Variants in RHPN2 observed in about 807,000 individuals in gnomAD.
The protein encoded by RHPN2 is rhophilin Rho GTPase binding protein 2.
RHPN2 carries 40 observed loss-of-function variants against 79.0 expected under a neutral mutation model. The observed-to-expected ratio is 0.51, with a 90% CI of 0.39 to 0.66. The LOEUF is 0.66. RHPN2 is among the 30% of genes least tolerant of loss of function. RHPN2 has a pLI of 0.00. For missense variants in RHPN2, 686 were observed against 883.5 expected (o/e 0.78, Z 2.83); for synonymous variants, 285 against 363.5 (o/e 0.78, Z 2.46).
At chr19:33,027,630 C>A (rs534611217) in intron 2 of RHPN2, among the ~76,000 whole-genome samples, 1 of 152,094 alleles carries the variant, frequency 6.6e-6, no homozygotes, top group Non-Finnish European at 1.5e-5. Flanking sequence ...TATTAGCAAT[C>A]CAAGCCTAGC....
chr19:33,019,864 C>CCTATAACCA (rs1971909198), intron 4 of RHPN2, among the ~76,000 whole-genome samples: 1 of 152,160 alleles, frequency 6.6e-6, no homozygotes, highest in Non-Finnish European at 1.5e-5. Context: ...GCCTGGGCTG[C>CCTATAACCA]ATGGCGCAAA....
chr19:33,063,512 C>G lies in RHPN2; in HGVS notation c.69+1272G>C, dbSNP rs537011993. On this transcript the variant is annotated intron_variant, in intron 1 of 14. Coordinates refer to ENST00000254260, the MANE Select transcript of RHPN2 (RefSeq NM_033103.5). Reference sequence around the variant, plus strand: ...TATTTATAATTATGCACTGTCGTATCTATTATAAAAACGAAAATCAACAAC... The same window carrying G: ...TATTTATAATTATGCACTGTCGTATGTATTATAAAAACGAAAATCAACAAC... 5.9e-5 allele frequency among the ~76,000 whole-genome samples: 9 copies of G among 152,310 alleles called. No individual in the cohort carries two copies. In the East Asian group the frequency reaches 9.7e-4, roughly 16 times the overall value.
chr19:33,025,981 G>GTTT (rs71340523), intron 3 of RHPN2, among the ~76,000 whole-genome samples: 3,747 of 129,022 alleles, frequency 0.029, 99 homozygotes, highest in South Asian at 0.035. Flanking sequence ...GTGTTCATTT[G>GTTT]TTTTTTTTTT....
At chr19:32,995,810 G>C (rs1286529220) in intron 11 of RHPN2, among the ~76,000 whole-genome samples, 2 of 152,182 alleles carry the variant, frequency 1.3e-5, no homozygotes, top group African/African-American at 4.8e-5. Flanking sequence ...AGTGAGCCGA[G>C]ATCACGCCAC....
At chr19:32,984,575 C>T (rs1971600731) in intron 14 of RHPN2, among the ~76,000 whole-genome samples, 2 of 152,044 alleles carry the variant, frequency 1.3e-5, no homozygotes, top group Admixed American at 1.3e-4. Context: ...AGGAGAATCG[C>T]TTGAACCCGG....
intron 2 of RHPN2, among the ~76,000 whole-genome samples, chr19:33,033,179 T>C (rs893819577): frequency 6.6e-6 from 1 of 152,112 alleles, no homozygotes; most frequent in Non-Finnish European, 1.5e-5. Flanking sequence ...CAAATTTTAG[T>C]TCATGGAAGA....
intron 1 of RHPN2, among the ~76,000 whole-genome samples, chr19:33,060,556 A>G (rs1044691356): frequency 6.6e-6 from 1 of 151,862 alleles, no homozygotes; most frequent in Non-Finnish European, 1.5e-5. Context: ...TTTGTGAGAC[A>G]AGGTCTCACT....
At chr19:33,005,641 G>C (rs1178083711) in intron 7 of RHPN2, among the ~76,000 whole-genome samples, 3 of 149,706 alleles carry the variant, frequency 2.0e-5, no homozygotes, top group African/African-American at 7.4e-5. Context: ...GCCCTGCGGA[G>C]GGATGGCACC....
At chr19:33,021,164 A>G (rs541852722) in intron 4 of RHPN2, among the ~76,000 whole-genome samples, 44 of 152,276 alleles carry the variant, frequency 2.9e-4, no homozygotes, top group African/African-American at 1.0e-3. Context: ...TGGGTTTCCA[A>G]CCTGCCTTGT....
intron 7 of RHPN2, among the ~76,000 whole-genome samples, chr19:33,005,151 T>C (rs1971779792): frequency 6.6e-6 from 1 of 151,616 alleles, no homozygotes; most frequent in East Asian, 2.0e-4. Context: ...TGGTGGCTCA[T>C]GCCTCTAATC....
At chr19:33,025,397 G>A (rs1228481038) in intron 3 of RHPN2, among the ~76,000 whole-genome samples, 1 of 151,320 alleles carries the variant, frequency 6.6e-6, no homozygotes, top group Non-Finnish European at 1.5e-5. Flanking sequence ...CACAAGAATC[G>A]CTTGAACCCA....
intron 14 of RHPN2, among the ~76,000 whole-genome samples, chr19:32,985,506 C>G (rs7259685): frequency 0.79 from 120,485 of 152,176 alleles, 48,687 homozygotes; most frequent in African/African-American, 0.95. Flanking sequence ...GTATGGTGTT[C>G]CATGCCTGTA....
At chr19:32,993,832 G>T in intron 12 of RHPN2, 145 bp downstream of exon 12, 1 of 686,478 alleles carries the variant, frequency 1.5e-6, no homozygotes, top group Admixed American at 2.1e-5. Context: ...CCAGCCTCCG[G>T]AACTAAGAAA....
chr19:33,046,852 C>T (rs148534483), intron 1 of RHPN2, among the ~76,000 whole-genome samples: 237 of 151,152 alleles, frequency 1.6e-3, no homozygotes, highest in African/African-American at 5.6e-3. Flanking sequence ...AATTCAGATC[C>T]TTTGCCCATT....
At chr19:33,039,945 C>G (rs1482069317) in intron 2 of RHPN2, among the ~76,000 whole-genome samples, 1 of 152,066 alleles carries the variant, frequency 6.6e-6, no homozygotes, top group East Asian at 1.9e-4. Flanking sequence ...CTGGCCCTAC[C>G]CTCCATGAGG....
chr19:33,025,326 A>AAAC (rs1971957111), intron 3 of RHPN2, among the ~76,000 whole-genome samples: 2 of 150,854 alleles, frequency 1.3e-5, no homozygotes, highest in Non-Finnish European at 3.0e-5. Context: ...AAAAAAAAAA[A>AAAC]AAACAATTAG....
chr19:33,002,338 G>A lies in RHPN2; in HGVS notation c.1014C>T (p.Pro338=), dbSNP rs747010837. ...MSQAPVKENI[P]YSWASLACVK... is the part of the protein sequence containing the mutation. Reference sequence around the variant, plus strand: ...CGCAGGCTAAGCTGGCCCAGGAGTAGGGGATGTTCTCTTTCACCGGCGCCT... The same window carrying A: ...CGCAGGCTAAGCTGGCCCAGGAGTAAGGGATGTTCTCTTTCACCGGCGCCT... The change falls in exon 9 of 15, where the codon CCC becomes CCT. Residue 338 remains proline, a synonymous_variant. Coordinates refer to ENST00000254260, the MANE Select transcript of RHPN2 (RefSeq NM_033103.5). 1 of 1,613,988 alleles carries A rather than the reference G, an allele frequency of 6.2e-7. No homozygotes were observed. The highest frequency in any genetic ancestry group is 1.1e-5 in the South Asian group (1 of 91,074).
At chr19:33,017,962 T>C (rs1187363057) in intron 4 of RHPN2, among the ~76,000 whole-genome samples, 1 of 152,022 alleles carries the variant, frequency 6.6e-6, no homozygotes, top group African/African-American at 2.4e-5. Context: ...AAGATCAGCC[T>C]GGCCAGGATG....
rs1433694874 is a variant in RHPN2 at position 32,979,098 on chromosome 19, G to A, written c.*898C>T. On this transcript the variant is annotated 3_prime_UTR_variant, in exon 15 of 15. Coordinates refer to ENST00000254260, the MANE Select transcript of RHPN2 (RefSeq NM_033103.5). Reference sequence around the variant, plus strand: ...CAGGGGGCGGAGGTTGCACTGAGCTGAGATCACACCACTGCACTCCAGCCT... The same window carrying A: ...CAGGGGGCGGAGGTTGCACTGAGCTAAGATCACACCACTGCACTCCAGCCT... 6.6e-6 allele frequency: 1 copy of A among 152,096 alleles called. No individual in the cohort carries two copies. Among genetic ancestry groups the A allele is most frequent in the African/African-American group, 2.4e-5 (1 of 41,400 alleles). The allele number at this position is 152,096 out of a possible 1,614,324, so 9.4% of individuals were successfully genotyped here.
Sources: gnomAD v4.1 joint callset for allele counts (sites outside exome capture counted in the v4.1 genomes callset) on GRCh38, gnomAD v4.1.1 for gene constraint, MANE v1.5 for transcripts, NCBI Gene and HGNC (gene_info 2026-07-23, HGNC 2026-07-21) for gene names.